Variants in ATP4B observed in about 807,000 individuals in gnomAD.
ATP4B encodes potassium-transporting ATPase subunit beta.
ATP4B carries 27 observed loss-of-function variants against 35.3 expected under a neutral mutation model. The ratio of observed to expected loss-of-function variants is 0.76; its 90% CI spans 0.56 to 1.05. The LOEUF is 1.05. Among genes scored for constraint, ATP4B ranks in the 50% least tolerant of loss-of-function variants. The probability of loss-of-function intolerance (pLI) is 0.00; values close to 1 mark genes in which losing one functional copy is unlikely to be tolerated. For synonymous variants in ATP4B, 162 were observed against 156.0 expected (o/e 1.04, Z -0.29); for missense variants, 375 against 384.8 (o/e 0.97, Z 0.21).
At chr13:113,652,740 G>A in intron 4 of ATP4B, 133 bp downstream of exon 4, 1 of 1,003,718 alleles carries the variant, frequency 1.0e-6, no homozygotes, top group Non-Finnish European at 1.5e-6. Flanking sequence ...AAGGTACAGG[G>A]TGGTGAGGCT....
Position 113,649,698 on chromosome 13 carries a change from C to T in ATP4B, c.715-163G>A, listed in dbSNP as rs1246835194. Among the ~76,000 whole-genome samples, 15 of 152,194 alleles carry T rather than the reference C, an allele frequency of 9.9e-5. No homozygotes were observed. ...CATGCCCTGGAATTTGCTGAGATAACACCCCCCATGTAAAAATGGAAAGCA... is the reference window on the plus strand; with the variant it reads ...CATGCCCTGGAATTTGCTGAGATAATACCCCCCATGTAAAAATGGAAAGCA... On this transcript the variant is annotated intron_variant, in intron 6 of 6. Coordinates refer to ENST00000335288, the MANE Select transcript of ATP4B (RefSeq NM_000705.4). The surrounding 1 kb of genome is among the most constrained non-coding windows in gnomAD (Gnocchi z 4.7).
chr13:113,657,563 C>T (rs1421668327), intron 1 of ATP4B, among the ~76,000 whole-genome samples: 1 of 152,220 alleles, frequency 6.6e-6, no homozygotes, highest in Non-Finnish European at 1.5e-5. Flanking sequence ...CTGAGGCAGG[C>T]CTGGTTTACT....
chr13:113,653,380 T>C lies in ATP4B; in HGVS notation c.296A>G (p.Asn99Ser), dbSNP rs891894613. 2 of 1,614,210 alleles carry C rather than the reference T, an allele frequency of 1.2e-6. No individual in the cohort carries two copies. The highest frequency in any genetic ancestry group is 1.7e-5 in the Admixed American group (1 of 60,024). ...YGEKGLEIVY[N>S]VSDNRTWADL... is the part of the protein sequence containing the mutation. ...TGCCCAGGTTCTGTTATCAGAGACG[T>C]TGTAGACAATTTCCAGGCCTTTCTC... The change falls in exon 3 of 7, where the codon AAC (asparagine) becomes AGC (serine). Residue 99 changes from asparagine to serine, a missense_variant. Coordinates refer to ENST00000335288, the MANE Select transcript of ATP4B (RefSeq NM_000705.4).
intron 5 of ATP4B, among the ~76,000 whole-genome samples, chr13:113,651,092 C>T (rs1478635070): frequency 6.6e-6 from 1 of 152,022 alleles, no homozygotes; most frequent in Non-Finnish European, 1.5e-5. Flanking sequence ...GAGGTTCCCT[C>T]GGACACCCTA....
rs1238351649 is a variant in ATP4B at position 113,658,141 on chromosome 13, C to G, written c.4G>C (p.Ala2Pro). The part of the protein sequence containing the change: M[A>P]ALQEKKTCGQ... Reference sequence around the variant, plus strand: ...CACGTCTTCTTCTCCTGCAGAGCCGCCATCGTCCCTGGCCTGAGATCCTCC... The same window carrying G: ...CACGTCTTCTTCTCCTGCAGAGCCGGCATCGTCCCTGGCCTGAGATCCTCC... Residue 2 changes from alanine to proline, a missense_variant, in exon 1 of 7, where the codon GCG (alanine) becomes CCG (proline). Coordinates refer to ENST00000335288, the MANE Select transcript of ATP4B (RefSeq NM_000705.4). 2 of 1,611,852 alleles carry G rather than the reference C, an allele frequency of 1.2e-6. No individual in the cohort carries two copies. The highest frequency in any genetic ancestry group is 1.7e-6 in the Non-Finnish European group (2 of 1,179,328).
At chr13:113,654,790 G>C in intron 2 of ATP4B, 24 bp downstream of exon 2, 8 of 1,610,366 alleles carry the variant, frequency 5.0e-6, no homozygotes, top group Non-Finnish European at 5.9e-6. Context: ...CACACGGCAT[G>C]GGGGCAACAT....
In ATP4B at chr13:113,650,830, A is replaced by G. The variant is rs1179630544; in HGVS notation, c.613-323T>C. Among the ~76,000 whole-genome samples the G allele has an allele frequency of 1.3e-5, 2 of 152,112 alleles. No homozygotes were observed. The highest frequency in any genetic ancestry group is 2.9e-5 in the Non-Finnish European group (2 of 68,010). ...TCGAGGGTAGCCACTGCTCAGTGGC[A>G]AGGGCTGGTTTGCCAAAACTGGGTT... On this transcript the variant is annotated intron_variant, in intron 5 of 6. Transcript: ENST00000335288. The surrounding 1 kb of genome is among the most constrained non-coding windows in gnomAD (Gnocchi z 5.0).
rs1246575103 is a variant in ATP4B at position 113,658,092 on chromosome 13, T to C, written c.53A>G (p.Gln18Arg). The change falls in exon 1 of 7, where the codon CAG (glutamine) becomes CGG (arginine). Residue 18 changes from glutamine (Q) to arginine (R), a missense_variant. By Grantham distance (43) the Gln-to-Arg change is conservative. Coordinates refer to ENST00000335288, the MANE Select transcript of ATP4B (RefSeq NM_000705.4). The part of the protein sequence containing the change: ...KTCGQRMEEF[Q>R]RYCWNPDTGQ... ...CGTGTCCGGGTTCCAGCAGTAACGCTGGAACTCCTCCATGCGCTGGCCACA... is the reference window on the plus strand; with the variant it reads ...CGTGTCCGGGTTCCAGCAGTAACGCCGGAACTCCTCCATGCGCTGGCCACA... 4 of 1,612,354 alleles carry C rather than the reference T, an allele frequency of 2.5e-6. No individual in the cohort carries two copies. The highest frequency in any genetic ancestry group is 3.4e-6 in the Non-Finnish European group (4 of 1,179,704).
rs376524272 is a variant in ATP4B, at chr13:113,651,654, C to G, written c.612+17G>C. On this transcript the variant is annotated intron_variant, in intron 5 of 6. Transcript: ENST00000335288. ...CCTTTCCTGGGGCAGCCCTGCCCGCCGCGCGGCCGTACTCACCAGGAAGGC... is the reference window on the plus strand; with the variant it reads ...CCTTTCCTGGGGCAGCCCTGCCCGCGGCGCGGCCGTACTCACCAGGAAGGC... The G allele has an allele frequency of 1.3e-6, 2 of 1,596,574 alleles. No individual in the cohort carries two copies. The highest frequency in any genetic ancestry group is 4.5e-5 in the East Asian group (2 of 44,038).
chr13:113,649,179 A>G lies in ATP4B; in HGVS notation c.*195T>C, dbSNP rs2049692173. 1 of 512,604 alleles carries G rather than the reference A, an allele frequency of 2.0e-6. No individual in the cohort carries two copies. Among genetic ancestry groups the G allele is most frequent in the Non-Finnish European group, 3.3e-6 (1 of 304,108 alleles). The allele number at this position is 512,604 out of a possible 1,614,324, so 31.8% of individuals were successfully genotyped here. A position where few individuals can be genotyped will look rare whatever the true frequency, so the allele number is the denominator to read the frequency against. ...TCCATCTAAAAACTGTAAGAATTCAACAAGGAAGAACTGATACTCGCGAGC... is the reference window on the plus strand; with the variant it reads ...TCCATCTAAAAACTGTAAGAATTCAGCAAGGAAGAACTGATACTCGCGAGC... On this transcript the variant is annotated 3_prime_UTR_variant, in exon 7 of 7. Transcript: ENST00000335288. The surrounding 1 kb of genome is among the most constrained non-coding windows in gnomAD (Gnocchi z 4.7).
chr13:113,650,022 G>A lies in ATP4B; in HGVS notation c.714+384C>T, dbSNP rs1199588580. Among the ~76,000 whole-genome samples, 1 of 152,098 alleles carries A rather than the reference G, an allele frequency of 6.6e-6. No homozygotes were observed. The highest frequency in any genetic ancestry group is 1.5e-5 in the Non-Finnish European group (1 of 68,018). ...TATAAAAAATACGAAAATTAGCTGG[G>A]CATGTTGGTGTGTGCCTGTGGTCTC... On this transcript the variant is annotated intron_variant, in intron 6 of 6. Coordinates refer to ENST00000335288, the MANE Select transcript of ATP4B (RefSeq NM_000705.4). This position sits in a 1 kb window ranked among gnomAD's most constrained non-coding sequence, Gnocchi z 5.0.
Position 113,654,880 on chromosome 13 carries a change from G to A in ATP4B, c.175C>T (p.Leu59Phe). 4 of 1,614,220 alleles carry A rather than the reference G, an allele frequency of 2.5e-6. No individual in the cohort carries two copies. Among genetic ancestry groups the A allele is most frequent in the Non-Finnish European group, 3.4e-6 (4 of 1,180,028 alleles). The change falls in exon 2 of 7, where the codon CTC becomes TTC. Residue 59 changes from leucine (L) to phenylalanine (F), a missense_variant. Coordinates refer to ENST00000335288, the MANE Select transcript of ATP4B (RefSeq NM_000705.4). ...TCCACTGTCTGCATCAGCACATAGAGGCACAGGGCGAAGAGCCCAGTCATC... is the reference window on the plus strand; with the variant it reads ...TCCACTGTCTGCATCAGCACATAGAAGCACAGGGCGAAGAGCCCAGTCATC... ...VVMTGLFALC[L>F]YVLMQTVDPY...
In ATP4B at chr13:113,649,415, A is replaced by G. The variant is rs1003918416; in HGVS notation, c.835T>C (p.Tyr279His). ...AGTTTGAACTCCACTTTCCCTTCAT[A>G]CGGGTCGTGGGGATTGTTGAAGGTC... Reference protein sequence around the residue: ...HVTFNNPHDPYEGKVEFKLKI... With the variant: ...HVTFNNPHDPHEGKVEFKLKI... Residue 279 changes from tyrosine (Y) to histidine (H), a missense_variant, in exon 7 of 7, where the codon TAT becomes CAT. By Grantham distance (83) the Tyr-to-His change is moderately conservative (BLOSUM62 2). Coordinates refer to ENST00000335288, the MANE Select transcript of ATP4B (RefSeq NM_000705.4). This position sits in a 1 kb window ranked among gnomAD's most constrained non-coding sequence, Gnocchi z 4.7. 5 of 1,590,772 alleles carry G rather than the reference A, an allele frequency of 3.1e-6. No individual in the cohort carries two copies. The highest frequency in any genetic ancestry group is 4.3e-6 in the Non-Finnish European group (5 of 1,166,850).
intron 3 of ATP4B, 64 bp downstream of exon 3, chr13:113,653,257 C>A: frequency 6.6e-7 from 1 of 1,511,092 alleles, no homozygotes; most frequent in South Asian, 1.2e-5. Context: ...ACACCTCACC[C>A]ACCCGCCGCT....
intron 1 of ATP4B, among the ~76,000 whole-genome samples, chr13:113,657,402 A>T (rs2049763727): frequency 6.6e-6 from 1 of 152,198 alleles, no homozygotes. Context: ...GGCAGCCCTG[A>T]TGTAGACGCA....
rs767344957 is a variant in ATP4B at position 113,649,962 on chromosome 13, A to C, written c.715-427T>G. Among the ~76,000 whole-genome samples the C allele has an allele frequency of 1.3e-5, 2 of 152,104 alleles. No individual in the cohort carries two copies. Among genetic ancestry groups the C allele is most frequent in the Non-Finnish European group, 2.9e-5 (2 of 68,020 alleles). ...CTGATTGCTTCAGCCCAGGAGTTCA[A>C]GACCACCCTGGGCAACATACTGAGA... On this transcript the variant is annotated intron_variant, in intron 6 of 6. Coordinates refer to ENST00000335288, the MANE Select transcript of ATP4B (RefSeq NM_000705.4). The surrounding 1 kb of genome is among the most constrained non-coding windows in gnomAD (Gnocchi z 4.7).
chr13:113,657,386 G>A (rs558308092), intron 1 of ATP4B, among the ~76,000 whole-genome samples: 4 of 152,360 alleles, frequency 2.6e-5, no homozygotes, highest in South Asian at 2.1e-4. Context: ...TTCCCGGAAC[G>A]GGTGTGGCAG....
chr13:113,654,571 T>C (rs1215505562), intron 2 of ATP4B, among the ~76,000 whole-genome samples: 22 of 152,370 alleles, frequency 1.4e-4, no homozygotes, highest in Non-Finnish European at 2.1e-4. Context: ...TTGGAGTCAT[T>C]TTCCTCATGG....
At position 113,649,637 on chromosome 13, in the gene ATP4B, G is replaced by A. The variant is rs1003864489; in HGVS notation, c.715-102C>T. The stretch of plus-strand genomic sequence containing the variant: ...TCAACAGTCAGGTTGGTGCAGAGAA[G>A]CAGCTCTTTTGTGTAAGACTGGCCC... On this transcript the variant is annotated intron_variant, in intron 6 of 6. Transcript: ENST00000335288. The surrounding 1 kb of genome is among the most constrained non-coding windows in gnomAD (Gnocchi z 4.7). The A allele has an allele frequency of 7.4e-6, 10 of 1,342,612 alleles. No homozygotes were observed. Among genetic ancestry groups the A allele is most frequent in the African/African-American group, 1.5e-5 (1 of 66,204 alleles). The allele number at this position is 1,342,612 out of a possible 1,614,324, so 83.2% of individuals were successfully genotyped here.
Sources: allele counts gnomAD v4.1 joint callset (sites outside exome capture counted in the v4.1 genomes callset), GRCh38; gene constraint gnomAD v4.1.1; non-coding constraint Gnocchi (gnomAD v3.1); transcripts MANE v1.5; gene names NCBI Gene and HGNC (gene_info 2026-07-23, HGNC 2026-07-21).